MGST1: variants seen among roughly 807,000 people sequenced by gnomAD.
MGST1 encodes glutathione S-transferase 12.
MGST1 carries 5 observed loss-of-function variants against 8.9 expected under a neutral mutation model. The observed-to-expected ratio is 0.56, with a 90% CI of 0.29 to 1.19. The LOEUF (loss-of-function observed/expected upper bound fraction) is 1.19, where lower values mean the gene tolerates loss of function less well. Among genes scored for constraint, MGST1 ranks in the 50% most tolerant of loss-of-function variants. The pLI is 0.08. For missense variants in MGST1, 182 were observed against 187.4 expected, an observed-to-expected ratio of 0.97 and a Z score of 0.17; for synonymous variants, 54 against 67.8, an observed-to-expected ratio of 0.80 and a Z score of 1.00.
downstream of MGST1, among the ~76,000 whole-genome samples, chr12:16,590,781 G>A (rs780432517): frequency 1.6e-4 from 24 of 151,960 alleles, no homozygotes; most frequent in Non-Finnish European, 2.9e-4. Context: ...ATAGACGAAT[G>A]TAGATGCATC....
chr12:16,465,278 A>G lies in MGST1; in HGVS notation n.482+81674A>G, dbSNP rs10492187. 9.1e-3 allele frequency among the ~76,000 whole-genome samples: 1,392 copies of G among 152,328 alleles called. 78 individuals are homozygous for G. In the East Asian group the frequency reaches 0.17, roughly 18 times the overall value. ...AGTATATGGAGCTGTTTCTGTCTACATTTAATTCTGACGAACCTACATTTT... is the reference window on the plus strand; with the variant it reads ...AGTATATGGAGCTGTTTCTGTCTACGTTTAATTCTGACGAACCTACATTTT... On this transcript the variant is annotated intron_variant and non_coding_transcript_variant, in intron 4 of 4. Transcript: ENST00000538857.
At chr12:16,368,174 A>T (rs926793021), downstream of MGST1, among the ~76,000 whole-genome samples, 3 of 152,200 alleles carry the variant, frequency 2.0e-5, no homozygotes, top group African/African-American at 7.2e-5. Flanking sequence ...TAAGGCCAGA[A>T]ATTTTGCTAG....
chr12:16,516,339 C>A (rs1941615072), intron 4 of MGST1, among the ~76,000 whole-genome samples: 1 of 152,184 alleles, frequency 6.6e-6, no homozygotes, highest in African/African-American at 2.4e-5. Flanking sequence ...AGCCATACAG[C>A]CCCAACTCAA....
chr12:16,488,662 C>T (rs1249411124), intron 4 of MGST1, among the ~76,000 whole-genome samples: 3 of 151,764 alleles, frequency 2.0e-5, no homozygotes, highest in Non-Finnish European at 1.5e-5. Flanking sequence ...GTAATTAATA[C>T]ATATTATTTT....
intron 4 of MGST1, among the ~76,000 whole-genome samples, chr12:16,449,415 C>G (rs1216070886): frequency 6.6e-6 from 1 of 151,878 alleles, no homozygotes; most frequent in African/African-American, 2.4e-5. Context: ...CCGCCAGGCC[C>G]CACCTCCAAC....
chr12:16,563,129 C>T (rs1362379756), intron 4 of MGST1, among the ~76,000 whole-genome samples: 1 of 152,144 alleles, frequency 6.6e-6, no homozygotes, highest in African/African-American at 2.4e-5. Flanking sequence ...GAATTATTGC[C>T]CCTTTTCCTA....
Position 16,515,668 on chromosome 12 carries a change from T to A in MGST1, n.483-73860T>A, listed in dbSNP as rs531184421. Among the ~76,000 whole-genome samples the A allele has an allele frequency of 1.1e-3, 165 of 150,798 alleles. 1 individual carries two copies. In the Middle Eastern group the frequency reaches 0.027, roughly 25 times the overall value. ...AAAAGAAAAAAAAAAGAATAAAGAA[T>A]GTAATTTTCTGCTGATCTCATACCC... On this transcript the variant is annotated intron_variant and non_coding_transcript_variant, in intron 4 of 4. Transcript: ENST00000538857.
chr12:16,372,211 C>T lies in MGST1; in HGVS notation c.222-3911C>T, dbSNP rs562548769. Among the ~76,000 whole-genome samples, 11 of 152,118 alleles carry T rather than the reference C, an allele frequency of 7.2e-5. No individual in the cohort carries two copies. The East Asian group carries it at 2.1e-3, about 29-fold the overall frequency. ...ATCACATCAAGTTAAAAAGCTTCTC[C>T]ACAGCCGAGGAAACAATCAGCAAAG... On this transcript the variant is annotated intron_variant, in intron 3 of 3. Coordinates refer to the MGST1 transcript ENST00000535309.
At chr12:16,561,522 TA>T in intron 4 of MGST1, among the ~76,000 whole-genome samples, 1 of 152,298 alleles carries the variant, frequency 6.6e-6, no homozygotes, top group African/African-American at 2.4e-5. Context: ...AAAGCAGTTC[TA>T]AACTAATGAA....
intron 4 of MGST1, among the ~76,000 whole-genome samples, chr12:16,451,684 G>A (rs904161705): frequency 6.6e-6 from 1 of 151,718 alleles, no homozygotes; most frequent in Non-Finnish European, 1.5e-5. Flanking sequence ...CTAAACTTTG[G>A]TGGAAAAGGT....
intron 2 of MGST1, 98 bp downstream of exon 2, chr12:16,354,476 T>A: frequency 8.3e-7 from 1 of 1,204,338 alleles, no homozygotes; most frequent in Non-Finnish European, 1.2e-6. Context: ...TAAAGCCCAA[T>A]AGCACACTGT....
chr12:16,513,307 C>G lies in MGST1; in HGVS notation n.483-76221C>G. ...CTTACTCTGATTCTCTCCACATTTCCCATTGAAAATTCCTTAAAAAGGAGA... is the reference window on the plus strand; with the variant it reads ...CTTACTCTGATTCTCTCCACATTTCGCATTGAAAATTCCTTAAAAAGGAGA... On this transcript the variant is annotated intron_variant and non_coding_transcript_variant, in intron 4 of 4. Transcript: ENST00000538857. This position sits in a 1 kb window ranked among gnomAD's most constrained non-coding sequence, Gnocchi z 4.2. 4.0e-6 allele frequency: 1 copy of G among 249,100 alleles called. No individual in the cohort carries two copies. Among genetic ancestry groups the G allele is most frequent in the Non-Finnish European group, 8.0e-6 (1 of 124,898 alleles). The allele number at this position is 249,100 out of a possible 1,614,324, so 15.4% of individuals were successfully genotyped here.
chr12:16,549,575 G>A (rs1941911283), intron 4 of MGST1: 1 of 152,298 alleles, frequency 6.6e-6, no homozygotes, highest in African/African-American at 2.4e-5. Flanking sequence ...TATATTGGAA[G>A]GACAAAATAT....
chr12:16,462,933 T>C (rs1941230972), intron 4 of MGST1, among the ~76,000 whole-genome samples: 1 of 152,186 alleles, frequency 6.6e-6, no homozygotes, highest in Admixed American at 6.5e-5. Context: ...ACTTCCTTTG[T>C]GACTGATAAC....
chr12:16,479,337 C>T (rs1040168320), intron 4 of MGST1, among the ~76,000 whole-genome samples: 3 of 149,004 alleles, frequency 2.0e-5, no homozygotes, highest in African/African-American at 7.4e-5. Flanking sequence ...CGGGTTCACG[C>T]CATTCTCCTG....
At chr12:16,408,030 C>CAAAAAAAAAAAAAAAAAAAAAAA (rs200073692) in intron 1 of MGST1, among the ~76,000 whole-genome samples, 1 of 44,098 alleles carries the variant, frequency 2.3e-5, no homozygotes, top group African/African-American at 5.4e-5. Context: ...GACTCTGTCT[C>CAAAAAAAAAAAAAAAAAAAAAAA]AAAAAAAAAA....
At chr12:16,441,061 C>T (rs1470679295), downstream of MGST1, among the ~76,000 whole-genome samples, 4 of 151,402 alleles carry the variant, frequency 2.6e-5, no homozygotes, top group Non-Finnish European at 5.9e-5. Flanking sequence ...TATTTTTTTC[C>T]TACTGATTTG....
chr12:16,556,963 A>G (rs1203026337), intron 4 of MGST1, among the ~76,000 whole-genome samples: 1 of 152,202 alleles, frequency 6.6e-6, no homozygotes, highest in Non-Finnish European at 1.5e-5. Flanking sequence ...TGATACTAGA[A>G]TAGTATTTCG....
intron 4 of MGST1, among the ~76,000 whole-genome samples, chr12:16,562,602 C>T (rs1307186466): frequency 6.6e-6 from 1 of 152,192 alleles, no homozygotes; most frequent in Non-Finnish European, 1.5e-5. Context: ...CTACATTAAC[C>T]ACTGGGACCT....
Sources: allele counts gnomAD v4.1 joint callset (sites outside exome capture counted in the v4.1 genomes callset), GRCh38; gene constraint gnomAD v4.1.1; non-coding constraint Gnocchi (gnomAD v3.1); transcripts MANE v1.5; gene names NCBI Gene and HGNC (gene_info 2026-07-23, HGNC 2026-07-21).